KCTD1: variants seen among roughly 807,000 people sequenced by gnomAD.
KCTD1 encodes the protein potassium channel tetramerization domain containing 1, also known as BTB/POZ domain-containing protein KCTD1.
In KCTD1, 24 loss-of-function variants were observed where a neutral mutation model predicts 66.0. The ratio of observed to expected loss-of-function variants is 0.36; its 90% confidence interval spans 0.26 to 0.51. The LOEUF is 0.51. Among genes scored for constraint, KCTD1 ranks in the 20% least tolerant of loss-of-function variants. The pLI, the probability that KCTD1 is intolerant of heterozygous loss-of-function variation, is 0.95. For synonymous variants in KCTD1, 511 were observed against 517.2 expected (o/e 0.99, Z 0.16); for missense variants, 943 against 1,205.2 (o/e 0.78, Z 3.22).
intron 1 of KCTD1, among the ~76,000 whole-genome samples, chr18:26,574,499 C>A (rs1036509746): frequency 6.6e-6 from 1 of 152,156 alleles, no homozygotes; most frequent in Admixed American, 6.5e-5. Flanking sequence ...TGAGGGCAGG[C>A]CTTTGAGTGC....
chr18:26,595,245 T>C (rs1986740156), intron 1 of KCTD1, among the ~76,000 whole-genome samples: 7 of 152,210 alleles, frequency 4.6e-5, no homozygotes, highest in Admixed American at 4.6e-4. Context: ...AGCATCACCA[T>C]ACATTTCTTA....
At chr18:26,654,064 A>G (rs534824796) in intron 1 of KCTD1, among the ~76,000 whole-genome samples, 1 of 152,372 alleles carries the variant, frequency 6.6e-6, no homozygotes, top group South Asian at 2.1e-4. Context: ...GACCTTAGCT[A>G]AAAACATCAC....
upstream of KCTD1, among the ~76,000 whole-genome samples, chr18:26,631,522 A>G (rs1293857101): frequency 3.3e-5 from 5 of 152,228 alleles, no homozygotes; most frequent in Non-Finnish European, 7.3e-5. Context: ...CCACTACTGT[A>G]TATGTGGTCT....
intron 3 of KCTD1, chr18:26,460,871 C>T (rs1054132376): frequency 6.6e-6 from 1 of 152,218 alleles, no homozygotes; most frequent in African/African-American, 2.4e-5. Context: ...ACAATGTTAA[C>T]AAGCAGGTCA....
At chr18:26,567,677 G>A (rs1224892536) in intron 1 of KCTD1, among the ~76,000 whole-genome samples, 1 of 151,638 alleles carries the variant, frequency 6.6e-6, no homozygotes, top group Non-Finnish European at 1.5e-5. Flanking sequence ...TAGTAGAGAC[G>A]AGGGTTTCAC....
At chr18:26,549,815 C>T, upstream of KCTD1, 3 of 985,196 alleles carry the variant, frequency 3.0e-6, no homozygotes, top group Non-Finnish European at 3.6e-6. Context: ...ACTGGAAAAG[C>T]AGCCAAAGAG....
At chr18:26,562,910 T>C (rs979466618) in intron 1 of KCTD1, among the ~76,000 whole-genome samples, 16 of 152,140 alleles carry the variant, frequency 1.1e-4, no homozygotes, top group African/African-American at 3.4e-4. Context: ...ATTACCTCTT[T>C]AACAACCCTA....
At chr18:26,524,955 G>A (rs1037473873) in intron 1 of KCTD1, among the ~76,000 whole-genome samples, 12 of 152,048 alleles carry the variant, frequency 7.9e-5, no homozygotes, top group Non-Finnish European at 1.3e-4. Flanking sequence ...CTGTTTATAT[G>A]TACTGCCTGG....
At chr18:26,486,274 T>C (rs749093098) in intron 2 of KCTD1, among the ~76,000 whole-genome samples, 16 of 152,204 alleles carry the variant, frequency 1.1e-4, no homozygotes, top group Non-Finnish European at 2.4e-4. Flanking sequence ...AACTGAGTTA[T>C]AGAGCCATCG....
At chr18:26,521,130 G>A (rs1164997739) in intron 1 of KCTD1, among the ~76,000 whole-genome samples, 1 of 152,212 alleles carries the variant, frequency 6.6e-6, no homozygotes, top group Non-Finnish European at 1.5e-5. Context: ...GGAGATGGGG[G>A]GAACCTCAGG....
chr18:26,573,101 C>G (rs1986147584), intron 1 of KCTD1, among the ~76,000 whole-genome samples: 1 of 149,238 alleles, frequency 6.7e-6, no homozygotes, highest in Non-Finnish European at 1.5e-5. Context: ...CTTTTTATAA[C>G]AAATATTTCA....
At chr18:26,481,307 G>A (rs1981636153) in intron 2 of KCTD1, among the ~76,000 whole-genome samples, 1 of 152,210 alleles carries the variant, frequency 6.6e-6, no homozygotes, top group African/African-American at 2.4e-5. Context: ...TCTGGGGTTG[G>A]CAGGGAAGAA....
chr18:26,617,849 A>AAGGG (rs56029109), intron 1 of KCTD1, among the ~76,000 whole-genome samples: 105 of 104,926 alleles, frequency 1.0e-3, no homozygotes, highest in South Asian at 1.9e-3. Context: ...GGAAGGAAGG[A>AAGGG]AGGGAGGGAG....
intron 1 of KCTD1, among the ~76,000 whole-genome samples, chr18:26,656,443 A>G (rs1408195477): frequency 6.6e-6 from 1 of 151,964 alleles, no homozygotes; most frequent in African/African-American, 2.4e-5. Flanking sequence ...AAACGTTTGC[A>G]TCCAAAAGGG....
chr18:26,527,215 A>C (rs1984205435), intron 1 of KCTD1, among the ~76,000 whole-genome samples: 1 of 152,144 alleles, frequency 6.6e-6, no homozygotes, highest in African/African-American at 2.4e-5. Flanking sequence ...TGCCTGCCAG[A>C]GGAGGGAAAA....
At chr18:26,584,495 T>C (rs955986036) in intron 1 of KCTD1, among the ~76,000 whole-genome samples, 5 of 152,338 alleles carry the variant, frequency 3.3e-5, no homozygotes, top group African/African-American at 1.2e-4. Context: ...ACATTTTTGT[T>C]AGTGCTAAGT....
At chr18:26,510,876 T>C (rs1188148614) in intron 1 of KCTD1, among the ~76,000 whole-genome samples, 2 of 152,192 alleles carry the variant, frequency 1.3e-5, no homozygotes, top group African/African-American at 4.8e-5. Flanking sequence ...TCAGTAATAA[T>C]AGTGCTATAG....
intron 1 of KCTD1, among the ~76,000 whole-genome samples, chr18:26,576,342 C>A (rs1192684390): frequency 2.0e-5 from 3 of 152,162 alleles, no homozygotes; most frequent in South Asian, 2.1e-4. Flanking sequence ...GATCCATCAT[C>A]CATATTCTAC....
At chr18:26,541,085 C>T (rs535071654) in intron 1 of KCTD1, among the ~76,000 whole-genome samples, 78 of 152,206 alleles carry the variant, frequency 5.1e-4, no homozygotes, top group African/African-American at 1.8e-3. Context: ...CATCCTCAGC[C>T]CTCTCCTTCC....
Sources: allele counts gnomAD v4.1 joint callset (sites outside exome capture counted in the v4.1 genomes callset), GRCh38; gene constraint gnomAD v4.1.1; transcripts MANE v1.5; gene names NCBI Gene and HGNC (gene_info 2026-07-23, HGNC 2026-07-21).